GRIP1: variants seen among roughly 807,000 people sequenced by gnomAD.
GRIP1 encodes glutamate receptor-interacting protein 1.
In GRIP1, 45 loss-of-function variants were observed where a neutral mutation model predicts 129.9. The ratio of observed to expected loss-of-function variants is 0.35; its 90% CI spans 0.27 to 0.44. GRIP1 has a LOEUF of 0.44. GRIP1 is among the 20% of genes least tolerant of loss of function. The pLI, the probability that GRIP1 is intolerant of heterozygous loss-of-function variation, is 1.00. For synonymous variants in GRIP1, 530 were observed against 520.8 expected (o/e 1.02, Z -0.24); for missense variants, 1,196 against 1,396.8 (o/e 0.86, Z 2.29).
intron 16 of GRIP1, among the ~76,000 whole-genome samples, chr12:66,402,156 G>T (rs1203683249): frequency 3.3e-5 from 5 of 152,150 alleles, no homozygotes; most frequent in Non-Finnish European, 4.4e-5. Flanking sequence ...CGAGACCAAG[G>T]TTGTTAGAAT....
intron 5 of GRIP1, among the ~76,000 whole-genome samples, chr12:66,519,978 T>C (rs769230789): frequency 3.3e-5 from 5 of 152,248 alleles, no homozygotes; most frequent in Non-Finnish European, 7.3e-5. Flanking sequence ...AACATCATTT[T>C]TATTCTATGG....
intron 1 of GRIP1, among the ~76,000 whole-genome samples, chr12:66,710,849 T>G (rs1405151659): frequency 6.6e-6 from 1 of 151,982 alleles, no homozygotes; most frequent in Non-Finnish European, 1.5e-5. Context: ...TGAATGAGTT[T>G]GAATATCTCT....
intron 11 of GRIP1, 37 bp from the exon 12 acceptor site, chr12:66,445,545 G>C (rs571662941): frequency 6.7e-7 from 1 of 1,503,344 alleles, no homozygotes; most frequent in Admixed American, 1.8e-5. Context: ...CTTTAGGTTG[G>C]AGCAAGCACC....
chr12:66,984,375 C>G lies in GRIP1; in HGVS notation c.58+84675G>C, dbSNP rs374575556. Among the ~76,000 whole-genome samples, 6 of 152,194 alleles carry G rather than the reference C, an allele frequency of 3.9e-5. No homozygotes were observed. In the East Asian group the frequency reaches 5.8e-4, roughly 15 times the overall value. ...ATATGTAAGAACATGTAGAAAGCTA[C>G]AAGGTAATCATAATCAGTTGTGGGT... On this transcript the variant is annotated intron_variant, in intron 1 of 1. Coordinates refer to the GRIP1 transcript ENST00000643019.
At chr12:66,532,679 G>A (rs10878443) in intron 4 of GRIP1, among the ~76,000 whole-genome samples, 3 of 151,908 alleles carry the variant, frequency 2.0e-5, no homozygotes, top group Admixed American at 6.6e-5. Context: ...CAAGAAGAGC[G>A]TCCTCCAGGT....
intron 9 of GRIP1, among the ~76,000 whole-genome samples, chr12:66,458,813 T>C (rs1477966476): frequency 3.9e-5 from 6 of 152,222 alleles, no homozygotes; most frequent in African/African-American, 1.4e-4. Flanking sequence ...TTAGAACAAG[T>C]CAGGTTCCTT....
At chr12:66,427,461 A>G (rs2058022609) in intron 14 of GRIP1, among the ~76,000 whole-genome samples, 1 of 152,196 alleles carries the variant, frequency 6.6e-6, no homozygotes, top group African/African-American at 2.4e-5. Context: ...CCAGGCACCT[A>G]GGTAGGCTTG....
chr12:66,623,510 G>T (rs2065364202), intron 1 of GRIP1, among the ~76,000 whole-genome samples: 1 of 152,094 alleles, frequency 6.6e-6, no homozygotes, highest in Non-Finnish European at 1.5e-5. Flanking sequence ...GAACATTTCA[G>T]TCTTACAAGG....
intron 15 of GRIP1, among the ~76,000 whole-genome samples, chr12:66,415,456 T>C (rs1295505478): frequency 6.6e-6 from 1 of 152,174 alleles, no homozygotes; most frequent in African/African-American, 2.4e-5. Context: ...AAAGGAATGC[T>C]TTTACATGGT....
chr12:66,724,995 T>TA (rs2036206506), intron 1 of GRIP1, among the ~76,000 whole-genome samples: 1 of 152,018 alleles, frequency 6.6e-6, no homozygotes. Flanking sequence ...AAAAATACAT[T>TA]AAAAAATAGA....
intron 1 of GRIP1, among the ~76,000 whole-genome samples, chr12:66,744,807 T>A (rs2036894266): frequency 6.6e-6 from 1 of 152,196 alleles, no homozygotes; most frequent in African/African-American, 2.4e-5. Context: ...TCATCCATCA[T>A]AATTTAGTTT....
chr12:66,410,714 C>T (rs972187260), intron 15 of GRIP1, among the ~76,000 whole-genome samples: 4 of 152,122 alleles, frequency 2.6e-5, no homozygotes, highest in Admixed American at 2.6e-4. Flanking sequence ...AAAATAGCCT[C>T]AAAAGGCCAA....
intron 24 of GRIP1, among the ~76,000 whole-genome samples, chr12:66,350,363 G>C (rs532363452): frequency 1.3e-5 from 2 of 152,200 alleles, no homozygotes; most frequent in African/African-American, 4.8e-5. Flanking sequence ...CGGGCATGGT[G>C]GTGGGCGCCT....
At chr12:66,815,854 T>TTCTTTCTTTCTTTCTTTCTCTCTCTCTC (rs1555241802) in intron 1 of GRIP1, among the ~76,000 whole-genome samples, 8 of 116,828 alleles carry the variant, frequency 6.8e-5, no homozygotes, top group African/African-American at 2.3e-4. Context: ...CTTTCTTTCT[T>TTCTTTCTTTCTTTCTTTCTCTCTCTCTC]TCTCTCTCTC....
At chr12:66,797,760 A>G (rs2038742454) in intron 1 of GRIP1, among the ~76,000 whole-genome samples, 1 of 152,160 alleles carries the variant, frequency 6.6e-6, no homozygotes, top group African/African-American at 2.4e-5. Flanking sequence ...ATTAGTGAAT[A>G]CAACCCTGAG....
chr12:66,633,433 G>A (rs1038698011), intron 1 of GRIP1, among the ~76,000 whole-genome samples: 1 of 151,562 alleles, frequency 6.6e-6, no homozygotes, highest in Non-Finnish European at 1.5e-5. Context: ...TTACAGGCAT[G>A]GGCTAATGCG....
intron 1 of GRIP1, among the ~76,000 whole-genome samples, chr12:66,781,008 C>T (rs1196994949): frequency 3.3e-5 from 5 of 152,140 alleles, no homozygotes. Flanking sequence ...GAATCCCTGA[C>T]CCATAAAGGC....
chr12:66,829,620 T>C (rs991499177), intron 1 of GRIP1, among the ~76,000 whole-genome samples: 1 of 152,172 alleles, frequency 6.6e-6, no homozygotes, highest in Non-Finnish European at 1.5e-5. Context: ...TTAAATTTTG[T>C]CTCCATGATG....
intron 1 of GRIP1, among the ~76,000 whole-genome samples, chr12:66,837,158 T>A (rs1009012783): frequency 2.6e-5 from 4 of 152,246 alleles, no homozygotes; most frequent in Non-Finnish European, 5.9e-5. Context: ...TTATTTCTCA[T>A]TCAAGTTAAT....
Sources: gnomAD v4.1 joint callset for allele counts (sites outside exome capture counted in the v4.1 genomes callset) on GRCh38, gnomAD v4.1.1 for gene constraint, MANE v1.5 for transcripts, NCBI Gene and HGNC (gene_info 2026-07-23, HGNC 2026-07-21) for gene names.